Variants in ZNF385D observed in about 807,000 individuals in gnomAD.
The protein encoded by ZNF385D is zinc finger protein 385D.
In ZNF385D, 15 loss-of-function variants were observed where a neutral mutation model predicts 35.8. That is an observed-to-expected ratio of 0.42 (90% CI 0.28 to 0.64). The LOEUF is 0.64. Among genes scored for constraint, ZNF385D ranks in the 30% least tolerant of loss-of-function variants. The probability of loss-of-function intolerance (pLI) is 0.23; values close to 1 mark genes in which losing one functional copy is unlikely to be tolerated. For synonymous variants in ZNF385D, 212 were observed against 186.8 expected, an observed-to-expected ratio of 1.13 and a Z score of -1.10; for missense variants, 474 against 494.6, an observed-to-expected ratio of 0.96 and a Z score of 0.39.
chr3:21,548,535 T>G (rs1477103990), intron 3 of ZNF385D, among the ~76,000 whole-genome samples: 3 of 152,222 alleles, frequency 2.0e-5, no homozygotes, highest in Admixed American at 6.5e-5. Flanking sequence ...TCTCAAACTC[T>G]TTGCATTTAA....
intron 3 of ZNF385D, among the ~76,000 whole-genome samples, chr3:21,962,091 C>G (rs1702629466): frequency 6.6e-6 from 1 of 151,960 alleles, no homozygotes; most frequent in Non-Finnish European, 1.5e-5. Context: ...TTTCAAAGGT[C>G]CATCTCATTA....
In ZNF385D at chr3:21,896,733, G is replaced by A. The variant is rs138792638; in HGVS notation, c.326-231705C>T. ...TTCCTTTTTGGGAGTGTCAGGGGGT[G>A]GGAAGGGCTCATGATATGATATCAG... On this transcript the variant is annotated intron_variant, in intron 3 of 5. Transcript: ENST00000494108. Among the ~76,000 whole-genome samples the A allele has an allele frequency of 4.5e-3, 691 of 152,176 alleles. 8 individuals are homozygous for A. The highest frequency in any genetic ancestry group is 0.015 in the African/African-American group (624 of 41,530).
At chr3:21,600,401 T>C (rs2064249764) in intron 2 of ZNF385D, among the ~76,000 whole-genome samples, 1 of 152,188 alleles carries the variant, frequency 6.6e-6, no homozygotes, top group South Asian at 2.1e-4. Context: ...ATTGAAGAGA[T>C]GAGCAATTTG....
At chr3:22,368,745 T>C (rs1354836777) in intron 2 of ZNF385D, among the ~76,000 whole-genome samples, 2 of 152,118 alleles carry the variant, frequency 1.3e-5, no homozygotes, top group Non-Finnish European at 2.9e-5. Context: ...CTAACCCGAA[T>C]CATTTCTCAA....
intron 3 of ZNF385D, among the ~76,000 whole-genome samples, chr3:21,968,560 T>G (rs1293124937): frequency 6.6e-6 from 1 of 152,118 alleles, no homozygotes; most frequent in Non-Finnish European, 1.5e-5. Flanking sequence ...GTCTTGCATC[T>G]TGAATACCCG....
At chr3:21,758,607 A>T (rs2070452526) in intron 3 of ZNF385D, among the ~76,000 whole-genome samples, 1 of 151,750 alleles carries the variant, frequency 6.6e-6, no homozygotes, top group South Asian at 2.1e-4. Flanking sequence ...AATTAATGAG[A>T]CCCCTAGCTA....
chr3:21,828,419 A>G (rs1694790666), intron 3 of ZNF385D, among the ~76,000 whole-genome samples: 1 of 152,214 alleles, frequency 6.6e-6, no homozygotes, highest in Non-Finnish European at 1.5e-5. Flanking sequence ...TGCCCATTAG[A>G]GAAATAAACA....
intron 3 of ZNF385D, among the ~76,000 whole-genome samples, chr3:21,543,944 C>A (rs2062280395): frequency 6.6e-6 from 1 of 152,142 alleles, no homozygotes; most frequent in South Asian, 2.1e-4. Flanking sequence ...TTGATATCTG[C>A]ATGTTTTCCT....
chr3:22,066,956 T>A (rs1699992759), intron 3 of ZNF385D, among the ~76,000 whole-genome samples: 3 of 152,334 alleles, frequency 2.0e-5, no homozygotes, highest in African/African-American at 7.2e-5. Flanking sequence ...TTTCCCTACT[T>A]TCTAACATCC....
At chr3:21,802,673 A>G (rs1210137375) in intron 3 of ZNF385D, among the ~76,000 whole-genome samples, 2 of 152,216 alleles carry the variant, frequency 1.3e-5, no homozygotes, top group African/African-American at 4.8e-5. Context: ...AATACACTCA[A>G]TAGAACACTT....
chr3:21,997,566 AAC>A (rs764985435), intron 3 of ZNF385D, among the ~76,000 whole-genome samples: 43 of 152,002 alleles, frequency 2.8e-4, no homozygotes, highest in South Asian at 1.7e-3. Context: ...AGAAAAAAAA[AAC>A]AGTATAATAT....
chr3:21,919,688 C>T (rs904282409), intron 3 of ZNF385D, among the ~76,000 whole-genome samples: 3 of 152,158 alleles, frequency 2.0e-5, no homozygotes, highest in Non-Finnish European at 4.4e-5. Flanking sequence ...CCATATAATT[C>T]CCCTTTGTCT....
chr3:22,202,029 G>A (rs1251877785), intron 2 of ZNF385D, among the ~76,000 whole-genome samples: 1 of 151,970 alleles, frequency 6.6e-6, no homozygotes, highest in East Asian at 1.9e-4. Context: ...GGTGGCTTTT[G>A]CACCTAAAGT....
At chr3:22,254,255 C>T (rs1700203409) in intron 2 of ZNF385D, among the ~76,000 whole-genome samples, 1 of 151,734 alleles carries the variant, frequency 6.6e-6, no homozygotes. Flanking sequence ...TTGAGTCTTA[C>T]TAGCAAACAT....
At chr3:21,628,974 T>C (rs2065207916) in intron 2 of ZNF385D, among the ~76,000 whole-genome samples, 6 of 152,106 alleles carry the variant, frequency 3.9e-5, no homozygotes, top group Admixed American at 3.9e-4. Context: ...AAATGACTAT[T>C]AAGGGCAAGA....
intron 3 of ZNF385D, among the ~76,000 whole-genome samples, chr3:22,066,362 CTGTG>C (rs752443626): frequency 2.1e-5 from 3 of 144,214 alleles, no homozygotes; most frequent in African/African-American, 5.3e-5. Flanking sequence ...AGATGGTTCC[CTGTG>C]TGTGTGTGTG....
At chr3:22,008,908 G>A (rs982495012) in intron 3 of ZNF385D, among the ~76,000 whole-genome samples, 3 of 152,036 alleles carry the variant, frequency 2.0e-5, no homozygotes, top group South Asian at 2.1e-4. Flanking sequence ...TTAATGAGAG[G>A]CATGTCTAAC....
chr3:21,613,017 G>A (rs2064733581), intron 2 of ZNF385D, among the ~76,000 whole-genome samples: 4 of 146,046 alleles, frequency 2.7e-5, no homozygotes, highest in African/African-American at 5.1e-5. Context: ...TTCAAAACCA[G>A]GGTACTAAAG....
At chr3:21,780,489 T>C (rs2071447240) in intron 3 of ZNF385D, among the ~76,000 whole-genome samples, 1 of 152,026 alleles carries the variant, frequency 6.6e-6, no homozygotes, top group African/African-American at 2.4e-5. Flanking sequence ...CTGTACTACT[T>C]ATTGGTTTTA....
Sources: allele counts gnomAD v4.1 joint callset (sites outside exome capture counted in the v4.1 genomes callset), GRCh38; gene constraint gnomAD v4.1.1; transcripts MANE v1.5; gene names NCBI Gene and HGNC (gene_info 2026-07-23, HGNC 2026-07-21).